SNX2: variants seen among roughly 807,000 people sequenced by gnomAD.
The protein encoded by SNX2 is sorting nexin-2.
In SNX2, 25 loss-of-function variants were observed where a neutral mutation model predicts 69.9. The observed-to-expected ratio is 0.36, with a 90% CI of 0.26 to 0.50. The LOEUF (loss-of-function observed/expected upper bound fraction) is 0.50. Among genes scored for constraint, SNX2 ranks in the 20% least tolerant of loss-of-function variants. The pLI is 0.97. For missense variants in SNX2, 551 were observed against 613.3 expected, an observed-to-expected ratio of 0.90 and a Z score of 1.07; for synonymous variants, 229 against 200.4, an observed-to-expected ratio of 1.14 and a Z score of -1.20.
At chr5:122,805,008 C>T (rs555587083) in intron 6 of SNX2, among the ~76,000 whole-genome samples, 35 of 151,982 alleles carry the variant, frequency 2.3e-4, no homozygotes, top group African/African-American at 7.7e-4. Flanking sequence ...GGTGTGAGCT[C>T]GGCTCCATCA....
At chr5:122,799,913 A>G (rs115292583) in intron 3 of SNX2, 58 bp downstream of exon 3, 145 of 1,317,340 alleles carry the variant, frequency 1.1e-4, no homozygotes, top group Middle Eastern at 2.7e-4. Context: ...TCCCCACCCA[A>G]CATCACTCTG....
At chr5:122,784,742 C>G (rs775570331) in intron 1 of SNX2, among the ~76,000 whole-genome samples, 1 of 152,058 alleles carries the variant, frequency 6.6e-6, no homozygotes, top group South Asian at 2.1e-4. Context: ...GAAATGCTAG[C>G]TTCGTTAAGT....
chr5:122,816,501 A>T (rs945866263), intron 8 of SNX2, among the ~76,000 whole-genome samples: 5 of 152,262 alleles, frequency 3.3e-5, no homozygotes, highest in African/African-American at 9.6e-5. Flanking sequence ...CAGAATTTTT[A>T]AAAAACTCAA....
chr5:122,829,746 A>G lies in SNX2; in HGVS notation c.*98A>G. On this transcript the variant is annotated 3_prime_UTR_variant, in exon 15 of 15. Transcript: ENST00000379516. ...TAAAACCATCTAAATAAACCACTAT[A>G]TATTTTATGAATTACATGTGGTTTT... 1.1e-6 allele frequency: 1 copy of G among 901,402 alleles called. No homozygotes were observed. 55.8% of individuals were successfully genotyped at this position (901,402 alleles called of 1,614,324 possible). A position where few individuals can be genotyped will look rare whatever the true frequency, so the allele number is the denominator to read the frequency against.
At chr5:122,796,223 T>A (rs1753372685) in intron 2 of SNX2, among the ~76,000 whole-genome samples, 1 of 152,026 alleles carries the variant, frequency 6.6e-6, no homozygotes, top group Non-Finnish European at 1.5e-5. Flanking sequence ...ATTACCCATC[T>A]CACATGAAAA....
intron 14 of SNX2, among the ~76,000 whole-genome samples, chr5:122,828,626 T>C (rs1754212083): frequency 1.3e-5 from 2 of 152,174 alleles, no homozygotes; most frequent in Admixed American, 6.5e-5. Flanking sequence ...AAGGTCATTG[T>C]AGTTGTATTA....
intron 2 of SNX2, among the ~76,000 whole-genome samples, chr5:122,797,550 A>G (rs559603197): frequency 3.3e-5 from 5 of 152,090 alleles, no homozygotes; most frequent in African/African-American, 9.7e-5. Context: ...TCCTCCTTCT[A>G]TGGAGGAGTA....
chr5:122,794,329 A>AAC (rs1230160231), intron 1 of SNX2, among the ~76,000 whole-genome samples: 2 of 152,112 alleles, frequency 1.3e-5, no homozygotes, highest in African/African-American at 4.8e-5. Flanking sequence ...CAAACAAACA[A>AAC]AAAAAACAAG....
chr5:122,801,845 C>A, intron 3 of SNX2, 24 bp from the exon 4 acceptor site: 1 of 1,415,824 alleles, frequency 7.1e-7, no homozygotes. Flanking sequence ...TTTTTAATGC[C>A]AAAAAATAAT....
chr5:122,800,859 C>T (rs572052398), intron 3 of SNX2, among the ~76,000 whole-genome samples: 1 of 152,124 alleles, frequency 6.6e-6, no homozygotes, highest in Non-Finnish European at 1.5e-5. Flanking sequence ...GTTGAATAAT[C>T]TCTGAACTTT....
chr5:122,820,053 C>T (rs1015035412), intron 11 of SNX2, among the ~76,000 whole-genome samples: 17 of 152,130 alleles, frequency 1.1e-4, no homozygotes, highest in Non-Finnish European at 2.5e-4. Flanking sequence ...ATATACATAG[C>T]AATTGTCAGA....
intron 1 of SNX2, among the ~76,000 whole-genome samples, chr5:122,789,643 ATTC>A (rs1388540866): frequency 6.6e-6 from 1 of 152,164 alleles, no homozygotes; most frequent in Non-Finnish European, 1.5e-5. Context: ...ACAGGGATTT[ATTC>A]ATATACACAT....
chr5:122,780,608 G>C (rs1752959375), intron 1 of SNX2, among the ~76,000 whole-genome samples: 1 of 137,706 alleles, frequency 7.3e-6, no homozygotes, highest in Non-Finnish European at 1.5e-5. Flanking sequence ...GTCTTGCGCT[G>C]TCCCAGGCTG....
At chr5:122,782,910 T>G (rs1422828734) in intron 1 of SNX2, among the ~76,000 whole-genome samples, 1 of 152,108 alleles carries the variant, frequency 6.6e-6, no homozygotes, top group East Asian at 1.9e-4. Context: ...AGTCGGTGAC[T>G]TGTGTTTTTT....
chr5:122,797,167 G>T (rs567822381), intron 2 of SNX2, among the ~76,000 whole-genome samples: 6 of 152,266 alleles, frequency 3.9e-5, no homozygotes, highest in African/African-American at 1.4e-4. Flanking sequence ...GCCTCAAACA[G>T]TCCTCCCACC....
intron 1 of SNX2, among the ~76,000 whole-genome samples, chr5:122,775,999 C>G (rs971557985): frequency 6.6e-6 from 1 of 152,086 alleles, no homozygotes; most frequent in Non-Finnish European, 1.5e-5. Context: ...AAAGGAAGCA[C>G]CCTCTATAAA....
chr5:122,791,343 G>A (rs954206959), intron 1 of SNX2, among the ~76,000 whole-genome samples: 1 of 151,780 alleles, frequency 6.6e-6, no homozygotes, highest in Non-Finnish European at 1.5e-5. Context: ...GTGTAGTGGT[G>A]CAGTATCAGC....
At chr5:122,814,939 T>TG (rs1321613687) in intron 7 of SNX2, among the ~76,000 whole-genome samples, 4 of 152,052 alleles carry the variant, frequency 2.6e-5, no homozygotes, top group Non-Finnish European at 5.9e-5. Context: ...TTAGTAGAGA[T>TG]GGGGTTTCAC....
chr5:122,775,043 G>C (rs1180187995), upstream of SNX2: 1 of 1,476,534 alleles, frequency 6.8e-7, no homozygotes, highest in Non-Finnish European at 9.0e-7. Context: ...GGGCCCAGCC[G>C]TGCGTGCTCA....
Sources: gnomAD v4.1 joint callset for allele counts (sites outside exome capture counted in the v4.1 genomes callset) on GRCh38, gnomAD v4.1.1 for gene constraint, MANE v1.5 for transcripts, NCBI Gene and HGNC (gene_info 2026-07-23, HGNC 2026-07-21) for gene names.